The following EFR3A variants were observed in gnomAD, a reference collection of about 807,000 sequenced individuals.
The protein encoded by EFR3A is protein EFR3 homolog A.
In EFR3A, 76 loss-of-function variants were observed where a neutral mutation model predicts 104.4. The observed-to-expected ratio is 0.73, with a 90% CI of 0.60 to 0.88. EFR3A has a LOEUF of 0.88. EFR3A is among the 40% of genes least tolerant of loss of function. The pLI, the probability that EFR3A is intolerant of heterozygous loss-of-function variation, is 0.00. For synonymous variants in EFR3A, 330 were observed against 330.0 expected (o/e 1.00, Z 0.00); for missense variants, 985 against 1,012.5 (o/e 0.97, Z 0.37).
At chr8:131,968,815 G>C (rs1219038450) in intron 9 of EFR3A, among the ~76,000 whole-genome samples, 1 of 152,148 alleles carries the variant, frequency 6.6e-6, no homozygotes, top group Admixed American at 6.6e-5. Flanking sequence ...AGAAGGGAGG[G>C]AAAATGGATT....
chr8:132,001,852 CTT>C, intron 20 of EFR3A, 45 bp downstream of exon 20: 1 of 1,499,294 alleles, frequency 6.7e-7, no homozygotes, highest in Non-Finnish European at 9.3e-7. Flanking sequence ...TTTAACTTAT[CTT>C]TATCTGCTGC....
intron 1 of EFR3A, among the ~76,000 whole-genome samples, chr8:131,932,552 A>T (rs1320725941): frequency 6.6e-6 from 1 of 152,136 alleles, no homozygotes; most frequent in Non-Finnish European, 1.5e-5. Flanking sequence ...GTTACCAGAA[A>T]CACAGATCTC....
intron 1 of EFR3A, among the ~76,000 whole-genome samples, chr8:131,926,619 A>T (rs868165300): frequency 4.6e-5 from 7 of 152,030 alleles, no homozygotes; most frequent in Middle Eastern, 3.4e-3. Context: ...TTAAAAAAAA[A>T]TTTTGGAGGG....
chr8:131,984,643 A>G (rs1820786253), intron 15 of EFR3A, among the ~76,000 whole-genome samples: 1 of 152,174 alleles, frequency 6.6e-6, no homozygotes, highest in South Asian at 2.1e-4. Context: ...GTGTTATGTA[A>G]TAGAAGGACA....
intron 14 of EFR3A, among the ~76,000 whole-genome samples, chr8:131,982,689 G>A (rs1820675835): frequency 6.6e-6 from 1 of 152,062 alleles, no homozygotes; most frequent in Non-Finnish European, 1.5e-5. Flanking sequence ...GGAACTTGAA[G>A]TCTAAATTAT....
At chr8:132,005,643 C>T (rs72730412) in intron 22 of EFR3A, among the ~76,000 whole-genome samples, 3,388 of 152,162 alleles carry the variant, frequency 0.022, 64 homozygotes, top group Non-Finnish European at 0.034. Context: ...TTCTCACGAT[C>T]GTCTCCTGTT....
chr8:131,939,727 A>G (rs982620865), intron 1 of EFR3A, among the ~76,000 whole-genome samples: 6 of 152,112 alleles, frequency 3.9e-5, no homozygotes, highest in African/African-American at 9.7e-5. Context: ...CATCATTGCA[A>G]TACAGGACCT....
At chr8:131,998,873 G>T (rs1328323613) in intron 19 of EFR3A, among the ~76,000 whole-genome samples, 1 of 151,792 alleles carries the variant, frequency 6.6e-6, no homozygotes, top group Non-Finnish European at 1.5e-5. Flanking sequence ...ACATATATAT[G>T]CATATATGTG....
chr8:131,954,360 AAATAAT>A (rs1259082330), intron 6 of EFR3A, among the ~76,000 whole-genome samples: 150 of 152,060 alleles, frequency 9.9e-4, no homozygotes, highest in African/African-American at 3.6e-3. Flanking sequence ...GAACTAACCA[AAATAAT>A]AATGATAATG....
intron 22 of EFR3A, among the ~76,000 whole-genome samples, chr8:132,005,804 C>A (rs1190373619): frequency 1.3e-5 from 2 of 152,050 alleles, no homozygotes; most frequent in Non-Finnish European, 2.9e-5. Context: ...TAGGCAAATA[C>A]AGAATATAGA....
chr8:131,938,345 CTGA>C (rs1818009947), intron 1 of EFR3A: 2 of 397,012 alleles, frequency 5.0e-6, no homozygotes, highest in Admixed American at 8.8e-5. Context: ...TTTACTTGTT[CTGA>C]TATTTATAAG....
At chr8:131,911,609 G>C (rs1816513348) in intron 1 of EFR3A, among the ~76,000 whole-genome samples, 1 of 152,136 alleles carries the variant, frequency 6.6e-6, no homozygotes, top group African/African-American at 2.4e-5. Flanking sequence ...CAGATTAATT[G>C]GAGAAAAGGC....
At position 131,987,577 on chromosome 8, in the gene EFR3A, T is replaced by C; in HGVS notation, c.1940T>C (p.Leu647Pro). Residue 647 changes from leucine (L) to proline (P), a missense_variant and splice_region_variant, in exon 18 of 23, where the codon CTT becomes CCT. Physicochemically the swap from Leu to Pro is moderately conservative, Grantham distance 98 (BLOSUM62 -3). Coordinates refer to ENST00000254624, the MANE Select transcript of EFR3A (RefSeq NM_015137.6). ...TGTTGTTTTGATGAACTTCGCAGGC[T>C]TCCAAAATCTTTAGAGAAGCATGAA... ...PEHIFRDKCMLPKSLEKHEKD... is the reference protein window; with the variant it reads ...PEHIFRDKCMPPKSLEKHEKD... 1 of 1,591,120 alleles carries C rather than the reference T, an allele frequency of 6.3e-7. No individual in the cohort carries two copies. The highest frequency in any genetic ancestry group is 8.6e-7 in the Non-Finnish European group (1 of 1,168,698).
At chr8:131,911,885 C>A (rs557222376) in intron 1 of EFR3A, among the ~76,000 whole-genome samples, 2 of 152,214 alleles carry the variant, frequency 1.3e-5, no homozygotes, top group South Asian at 4.2e-4. Context: ...GGTCTTGTGA[C>A]CCACAGTCAA....
chr8:131,938,377 T>G, intron 1 of EFR3A: 1 of 395,534 alleles, frequency 2.5e-6, no homozygotes, highest in South Asian at 1.3e-4. Context: ...TCATATTTAT[T>G]TAAAAGTCTA....
intron 1 of EFR3A, among the ~76,000 whole-genome samples, chr8:131,919,532 C>T (rs1181338964): frequency 6.8e-6 from 1 of 146,330 alleles, no homozygotes; most frequent in African/African-American, 2.6e-5. Flanking sequence ...GGAGGCGGAG[C>T]TTGCAGTGAG....
chr8:131,986,543 G>A (rs538616785), intron 17 of EFR3A, among the ~76,000 whole-genome samples: 1 of 152,144 alleles, frequency 6.6e-6, no homozygotes, highest in South Asian at 2.1e-4. Context: ...TAACACTTCG[G>A]GACGCTGAGG....
intron 10 of EFR3A, among the ~76,000 whole-genome samples, chr8:131,971,604 C>T (rs372962971): frequency 7.6e-4 from 115 of 151,412 alleles, no homozygotes; most frequent in South Asian, 1.7e-3. Flanking sequence ...AGGAGCATGG[C>T]GTGAACCCGG....
At chr8:131,945,971 C>G (rs894280699) in intron 3 of EFR3A, among the ~76,000 whole-genome samples, 2 of 152,030 alleles carry the variant, frequency 1.3e-5, no homozygotes, top group African/African-American at 4.8e-5. Flanking sequence ...CATGCCCTTC[C>G]TATCCTCTGG....
Sources: allele counts gnomAD v4.1 joint callset (sites outside exome capture counted in the v4.1 genomes callset), GRCh38; gene constraint gnomAD v4.1.1; transcripts MANE v1.5; gene names NCBI Gene and HGNC (gene_info 2026-07-23, HGNC 2026-07-21).